The following POU2F1 variants were observed in gnomAD, a reference collection of about 807,000 sequenced individuals.
The protein encoded by POU2F1 is POU domain, class 2, transcription factor 1.
In POU2F1, 16 loss-of-function variants were observed where a neutral mutation model predicts 84.9. The ratio of observed to expected loss-of-function variants is 0.19; its 90% CI spans 0.13 to 0.29. The LOEUF is 0.29. POU2F1 is among the 10% of genes least tolerant of loss of function. POU2F1 has a pLI of 1.00. For synonymous variants in POU2F1, 368 were observed against 368.3 expected, an observed-to-expected ratio of 1.00 and a Z score of 0.01; for missense variants, 738 against 942.6, an observed-to-expected ratio of 0.78 and a Z score of 2.84.
intron 1 of POU2F1, among the ~76,000 whole-genome samples, chr1:167,238,573 T>C (rs1233189383): frequency 6.6e-6 from 1 of 152,196 alleles, no homozygotes; most frequent in Non-Finnish European, 1.5e-5. Flanking sequence ...AAATGCATCA[T>C]ACCAGAGCAC....
intron 1 of POU2F1, among the ~76,000 whole-genome samples, chr1:167,233,166 A>G (rs1320902551): frequency 6.9e-6 from 1 of 145,874 alleles, no homozygotes; most frequent in Non-Finnish European, 1.5e-5. Flanking sequence ...AGTAGGGTCT[A>G]GCTCTGTCAC....
chr1:167,383,408 A>G (rs952370248), intron 7 of POU2F1: 10 of 153,644 alleles, frequency 6.5e-5, no homozygotes, highest in African/African-American at 2.4e-4. Flanking sequence ...AATATTTTAC[A>G]TTTCAACTTT....
chr1:167,300,757 C>T (rs1452081991), intron 1 of POU2F1, among the ~76,000 whole-genome samples: 1 of 151,892 alleles, frequency 6.6e-6, no homozygotes, highest in Non-Finnish European at 1.5e-5. Flanking sequence ...GCCACTGCAC[C>T]CAGCCTCTTA....
intron 1 of POU2F1, among the ~76,000 whole-genome samples, chr1:167,255,542 A>G (rs761886342): frequency 2.6e-5 from 4 of 152,214 alleles, no homozygotes; most frequent in Non-Finnish European, 5.9e-5. Context: ...AGAAAGGAGA[A>G]TAAGAGTAGA....
At chr1:167,262,493 C>T (rs1651643758) in intron 1 of POU2F1, among the ~76,000 whole-genome samples, 1 of 152,160 alleles carries the variant, frequency 6.6e-6, no homozygotes, top group African/African-American at 2.4e-5. Context: ...CCGTATCTGC[C>T]CTCAAAGGGA....
intron 2 of POU2F1, among the ~76,000 whole-genome samples, chr1:167,341,973 T>C (rs1440969913): frequency 6.6e-6 from 1 of 152,190 alleles, no homozygotes; most frequent in African/African-American, 2.4e-5. Context: ...CGAATTCCTC[T>C]CAACATTCAG....
chr1:167,396,618 A>C, intron 10 of POU2F1, 191 bp downstream of exon 10: 1 of 602,386 alleles, frequency 1.7e-6, no homozygotes, highest in Non-Finnish European at 2.8e-6. Flanking sequence ...ATATTCTAGT[A>C]ATTACAGTAT....
intron 1 of POU2F1, chr1:167,319,151 C>T (rs1432138580): frequency 6.5e-6 from 1 of 153,468 alleles, no homozygotes; most frequent in African/African-American, 2.4e-5. Flanking sequence ...TTTTTGGGAT[C>T]CTCCCAAAAC....
intron 9 of POU2F1, among the ~76,000 whole-genome samples, chr1:167,392,365 A>G (rs564418378): frequency 1.3e-5 from 2 of 152,114 alleles, no homozygotes; most frequent in East Asian, 3.9e-4. Flanking sequence ...AAAAAAAAAA[A>G]AAAAGAAAGA....
rs201031227 is a variant in POU2F1 at position 167,258,619 on chromosome 1, G to A, written c.61+37661G>A. Among the ~76,000 whole-genome samples, 6 of 152,148 alleles carry A rather than the reference G, an allele frequency of 3.9e-5. No individual in the cohort carries two copies. The East Asian group carries it at 1.2e-3, about 29-fold the overall frequency. On this transcript the variant is annotated intron_variant, in intron 1 of 15. Transcript: ENST00000367866. The stretch of plus-strand genomic sequence containing the variant: ...TGTGTAAGCTGTTAATCAGAGGTTG[G>A]CAAATCTTTTCTTTGAAGGGTCAGA...
chr1:167,330,181 C>T (rs752789136), intron 1 of POU2F1, among the ~76,000 whole-genome samples: 3 of 152,012 alleles, frequency 2.0e-5, no homozygotes, highest in Non-Finnish European at 4.4e-5. Context: ...ATATGAACTC[C>T]GGGACTTGGA....
intron 7 of POU2F1, chr1:167,380,288 G>A (rs901185576): frequency 6.6e-6 from 1 of 152,150 alleles, no homozygotes; most frequent in East Asian, 1.9e-4. Flanking sequence ...GGGAGTCAAC[G>A]AGTAAACACA....
At chr1:167,302,436 T>A (rs1052930172) in intron 1 of POU2F1, among the ~76,000 whole-genome samples, 1 of 152,016 alleles carries the variant, frequency 6.6e-6, no homozygotes, top group Non-Finnish European at 1.5e-5. Flanking sequence ...AATTTTTGTA[T>A]CTTTTAGAGA....
intron 2 of POU2F1, among the ~76,000 whole-genome samples, chr1:167,336,765 A>T (rs1169339068): frequency 6.6e-6 from 1 of 152,206 alleles, no homozygotes; most frequent in Non-Finnish European, 1.5e-5. Context: ...GCAGTGGCTC[A>T]TGCCTGTAAT....
intron 2 of POU2F1, among the ~76,000 whole-genome samples, chr1:167,363,246 C>T (rs563688873): frequency 1.3e-5 from 2 of 152,090 alleles, no homozygotes; most frequent in African/African-American, 4.8e-5. Flanking sequence ...ATATTTGGTT[C>T]TGGAAGACCT....
chr1:167,332,981 A>G (rs1335646307), intron 2 of POU2F1, among the ~76,000 whole-genome samples: 1 of 152,218 alleles, frequency 6.6e-6, no homozygotes, highest in Admixed American at 6.5e-5. Context: ...CACAGTAACT[A>G]TTCAGTAAAA....
At chr1:167,412,719 T>C (rs1351164008) in intron 14 of POU2F1, among the ~76,000 whole-genome samples, 1 of 152,224 alleles carries the variant, frequency 6.6e-6, no homozygotes, top group Non-Finnish European at 1.5e-5. Context: ...AGAATTATCT[T>C]GTAAATATAT....
intron 1 of POU2F1, among the ~76,000 whole-genome samples, chr1:167,276,110 T>A (rs1652710721): frequency 6.6e-6 from 1 of 152,168 alleles, no homozygotes; most frequent in Non-Finnish European, 1.5e-5. Flanking sequence ...AAACGGAAAA[T>A]CCAAGACATA....
rs1447352569 is a variant in POU2F1 at position 167,423,689 on chromosome 1, A to G, written c.*7879A>G. 1 of 152,154 alleles carries G rather than the reference A, an allele frequency of 6.6e-6. No homozygotes were observed. The highest frequency in any genetic ancestry group is 1.9e-4 in the East Asian group (1 of 5,196). The allele number at this position is 152,154 out of a possible 1,614,324, so 9.4% of individuals were successfully genotyped here. ...CCCAGGACACTGTCAAAAAGTTAAG[A>G]CCCCAAAACTAATTTACTGTAAAAA... On this transcript the variant is annotated 3_prime_UTR_variant, in exon 16 of 16. Coordinates refer to ENST00000367866, the MANE Select transcript of POU2F1 (RefSeq NM_002697.4).
Sources: allele counts gnomAD v4.1 joint callset (sites outside exome capture counted in the v4.1 genomes callset), GRCh38; gene constraint gnomAD v4.1.1; transcripts MANE v1.5; gene names NCBI Gene and HGNC (gene_info 2026-07-23, HGNC 2026-07-21).